The following EXOC4 variants were observed in gnomAD, a reference collection of about 807,000 sequenced individuals.
EXOC4 encodes SEC8-like 1.
A neutral mutation model predicts 107.2 loss-of-function variants in EXOC4; 71 were observed. The ratio of observed to expected loss-of-function variants is 0.66; its 90% CI spans 0.55 to 0.81. The LOEUF (loss-of-function observed/expected upper bound fraction) is 0.81. EXOC4 is among the 30% of genes least tolerant of loss of function. EXOC4 has a pLI of 0.00. For synonymous variants in EXOC4, 456 were observed against 441.2 expected (o/e 1.03, Z -0.42); for missense variants, 1,108 against 1,189.6 (o/e 0.93, Z 1.01).
At chr7:133,399,970 C>A (rs951477581) in intron 7 of EXOC4, among the ~76,000 whole-genome samples, 7 of 152,168 alleles carry the variant, frequency 4.6e-5, no homozygotes, top group African/African-American at 1.7e-4. Flanking sequence ...ACTTTGAATG[C>A]TAGCTAAGGA....
At chr7:134,028,840 CA>C (rs1795204533) in intron 17 of EXOC4, among the ~76,000 whole-genome samples, 1 of 152,228 alleles carries the variant, frequency 6.6e-6, no homozygotes, top group African/African-American at 2.4e-5. Flanking sequence ...GGGCCACTTA[CA>C]CGTAATCTTC....
intron 10 of EXOC4, among the ~76,000 whole-genome samples, chr7:133,668,480 C>G (rs1793866287): frequency 6.6e-6 from 1 of 152,162 alleles, no homozygotes; most frequent in Non-Finnish European, 1.5e-5. Context: ...AATGCATTTT[C>G]TCATAGACAT....
At chr7:133,906,656 A>G (rs1284098943) in intron 12 of EXOC4, among the ~76,000 whole-genome samples, 2 of 152,142 alleles carry the variant, frequency 1.3e-5, no homozygotes, top group Non-Finnish European at 2.9e-5. Flanking sequence ...CTCTGTGTTT[A>G]CTACGGCTCG....
At chr7:133,485,089 AT>A (rs66607463) in intron 9 of EXOC4, among the ~76,000 whole-genome samples, 72,308 of 130,964 alleles carry the variant, frequency 0.55, 22,213 homozygotes, top group Admixed American at 0.64. Context: ...CAAAAAATAA[AT>A]AAATAAATAA....
At chr7:133,980,547 A>G (rs993053741) in intron 14 of EXOC4, among the ~76,000 whole-genome samples, 4 of 152,250 alleles carry the variant, frequency 2.6e-5, no homozygotes, top group African/African-American at 9.6e-5. Flanking sequence ...TTCTGGGCCA[A>G]TCAAAAAGAA....
chr7:133,346,987 G>A (rs765450362), intron 5 of EXOC4, among the ~76,000 whole-genome samples: 1 of 152,152 alleles, frequency 6.6e-6, no homozygotes, highest in Non-Finnish European at 1.5e-5. Context: ...TGACGTGTAT[G>A]TGTGGTATGG....
At chr7:133,278,388 T>C (rs552291757) in intron 2 of EXOC4, among the ~76,000 whole-genome samples, 1 of 152,156 alleles carries the variant, frequency 6.6e-6, no homozygotes, top group African/African-American at 2.4e-5. Flanking sequence ...TAGCAGATGG[T>C]AAGAAGTGCT....
intron 11 of EXOC4, among the ~76,000 whole-genome samples, chr7:133,879,099 G>A (rs1369675050): frequency 6.6e-6 from 1 of 151,960 alleles, no homozygotes; most frequent in East Asian, 1.9e-4. Flanking sequence ...GCCACAAAAT[G>A]GTTATTTTTT....
At chr7:133,564,315 C>T (rs1436181663) in intron 9 of EXOC4, among the ~76,000 whole-genome samples, 4 of 152,048 alleles carry the variant, frequency 2.6e-5, no homozygotes. Context: ...GTGCCACACA[C>T]TTTCAAACAA....
chr7:133,762,668 T>C (rs1229314166), intron 10 of EXOC4, among the ~76,000 whole-genome samples: 1 of 152,152 alleles, frequency 6.6e-6, no homozygotes, highest in Admixed American at 6.6e-5. Flanking sequence ...AAGTTAATCA[T>C]GCTGTATCCA....
chr7:133,668,203 G>A (rs1437087096), intron 10 of EXOC4, among the ~76,000 whole-genome samples: 1 of 152,226 alleles, frequency 6.6e-6, no homozygotes, highest in Non-Finnish European at 1.5e-5. Flanking sequence ...GCCATTAAAT[G>A]TATGAATGGA....
At chr7:133,404,324 C>T (rs1373166021) in intron 7 of EXOC4, among the ~76,000 whole-genome samples, 2 of 152,072 alleles carry the variant, frequency 1.3e-5, no homozygotes, top group Admixed American at 6.5e-5. Context: ...AGGATGGTCT[C>T]GATCTCCTGA....
chr7:133,620,345 A>G (rs540701196), intron 9 of EXOC4, among the ~76,000 whole-genome samples: 1 of 152,224 alleles, frequency 6.6e-6, no homozygotes, highest in Admixed American at 6.5e-5. Context: ...TTAACCAACT[A>G]GTTACTTAAA....
intron 6 of EXOC4, among the ~76,000 whole-genome samples, chr7:133,370,660 T>TA (rs1053161923): frequency 2.6e-5 from 4 of 152,240 alleles, no homozygotes; most frequent in Admixed American, 2.6e-4. Flanking sequence ...AGGTTTGCAC[T>TA]AAGCAGTTCC....
At chr7:133,547,470 T>A (rs1800504080) in intron 9 of EXOC4, among the ~76,000 whole-genome samples, 1 of 152,172 alleles carries the variant, frequency 6.6e-6, no homozygotes, top group Non-Finnish European at 1.5e-5. Context: ...AAGCTTGCCC[T>A]ATGGATTGAC....
intron 11 of EXOC4, among the ~76,000 whole-genome samples, chr7:133,875,638 A>G (rs1798832764): frequency 6.6e-6 from 1 of 152,140 alleles, no homozygotes; most frequent in Non-Finnish European, 1.5e-5. Flanking sequence ...ACACCATCCT[A>G]TCCACTTGCT....
At chr7:133,364,305 A>AT (rs534789670) in intron 6 of EXOC4, among the ~76,000 whole-genome samples, 723 of 139,190 alleles carry the variant, frequency 5.2e-3, no homozygotes, top group Admixed American at 0.01. Context: ...TATTTAAAGT[A>AT]TTTTTTTTTT....
intron 11 of EXOC4, among the ~76,000 whole-genome samples, chr7:133,855,144 A>AAT (rs1235510935): frequency 1.4e-3 from 132 of 96,434 alleles, no homozygotes; most frequent in African/African-American, 6.6e-3. Flanking sequence ...TATATATATA[A>AAT]ATATATATAT....
chr7:133,860,456 A>G (rs1798509188), intron 11 of EXOC4, among the ~76,000 whole-genome samples: 1 of 152,316 alleles, frequency 6.6e-6, no homozygotes, highest in African/African-American at 2.4e-5. Context: ...ACAATGAAAA[A>G]CTTTACTACT....
Sources: allele counts gnomAD v4.1 joint callset (sites outside exome capture counted in the v4.1 genomes callset), GRCh38; gene constraint gnomAD v4.1.1; transcripts MANE v1.5; gene names NCBI Gene and HGNC (gene_info 2026-07-23, HGNC 2026-07-21).